SYTL5: variants seen among roughly 807,000 people sequenced by gnomAD.
The protein encoded by SYTL5 is synaptotagmin-like protein 5.
In SYTL5, 34 loss-of-function variants were observed where a neutral mutation model predicts 55.9. The observed-to-expected ratio is 0.61, with a 90% CI of 0.46 to 0.81. The LOEUF is 0.81. SYTL5 is among the 30% of genes least tolerant of loss of function. The pLI, the probability that SYTL5 is intolerant of heterozygous loss-of-function variation, is 0.00. For synonymous variants in SYTL5, 221 were observed against 188.7 expected (o/e 1.17, Z -1.40); for missense variants, 637 against 546.7 (o/e 1.17, Z -1.65).
the SYTL5 span, among the ~76,000 whole-genome samples, chrX:37,965,766 G>T: frequency 4.5e-5 from 5 of 111,830 alleles, no homozygotes; most frequent in African/African-American, 1.6e-4. Context: ...GTGAATATTT[G>T]ATTTTTATAT....
the SYTL5 span, among the ~76,000 whole-genome samples, chrX:37,999,243 C>T: frequency 8.9e-6 from 1 of 112,662 alleles, no homozygotes; most frequent in Non-Finnish European, 1.9e-5. Context: ...CCTAAAATCA[C>T]AGTGTGTGTA....
At chrX:38,043,690 T>TATACACAC (rs1366385489) in intron 2 of SYTL5, among the ~76,000 whole-genome samples, 1 of 69,556 alleles carries the variant, frequency 1.4e-5, no homozygotes, top group Non-Finnish European at 2.4e-5. Flanking sequence ...TATATATATA[T>TATACACAC]ACATATATAT....
intron 7 of SYTL5, among the ~76,000 whole-genome samples, chrX:38,090,009 C>A (rs887275655): frequency 8.9e-6 from 1 of 112,147 alleles, no homozygotes; most frequent in East Asian, 2.8e-4. Flanking sequence ...AGAGCATGTT[C>A]TTTATGCTGC....
chrX:37,995,958 G>C, the SYTL5 span, among the ~76,000 whole-genome samples: 2 of 112,052 alleles, frequency 1.8e-5, no homozygotes, highest in Non-Finnish European at 3.8e-5. Context: ...GAGTCCCTCT[G>C]TGTAGTCAGG....
the SYTL5 span, among the ~76,000 whole-genome samples, chrX:37,972,849 G>A: frequency 1.2e-4 from 13 of 109,415 alleles, no homozygotes; most frequent in African/African-American, 1.6e-4. Context: ...AATTGGTTGA[G>A]TTTGTCTAAA....
At chrX:37,976,199 A>G in the SYTL5 span, among the ~76,000 whole-genome samples, 3 of 112,870 alleles carry the variant, frequency 2.7e-5, no homozygotes, top group African/African-American at 9.7e-5. Flanking sequence ...TGCAAATGGC[A>G]TGTTCTTAGA....
the SYTL5 span, among the ~76,000 whole-genome samples, chrX:37,900,662 T>C: frequency 1.8e-5 from 2 of 112,286 alleles, no homozygotes; most frequent in African/African-American, 6.5e-5. Flanking sequence ...GGCATCATTT[T>C]TAAGGCAGAT....
intron 1 of SYTL5, among the ~76,000 whole-genome samples, chrX:38,015,519 G>A (rs762989905): frequency 7.2e-5 from 8 of 111,370 alleles, no homozygotes; most frequent in Non-Finnish European, 1.5e-4. Flanking sequence ...TTTGAATGCA[G>A]AGCTTCCTGA....
intron 2 of SYTL5, among the ~76,000 whole-genome samples, chrX:38,037,319 T>G (rs932689686): frequency 1.8e-5 from 2 of 111,594 alleles, no homozygotes; most frequent in Non-Finnish European, 3.8e-5. Flanking sequence ...CCTGCCTCCC[T>G]TACTCCCTTA....
At chrX:38,059,083 C>A (rs941405582) in intron 3 of SYTL5, among the ~76,000 whole-genome samples, 1 of 111,681 alleles carries the variant, frequency 9.0e-6, no homozygotes, top group Non-Finnish European at 1.9e-5. Flanking sequence ...TTAAACACAT[C>A]CATTTAATTC....
chrX:37,981,959 C>A, the SYTL5 span, among the ~76,000 whole-genome samples: 1 of 111,619 alleles, frequency 9.0e-6, no homozygotes, highest in African/African-American at 3.3e-5. Context: ...GACCAATACC[C>A]AGAGTTGCCA....
At chrX:37,993,659 T>C in the SYTL5 span, among the ~76,000 whole-genome samples, 1 of 112,198 alleles carries the variant, frequency 8.9e-6, no homozygotes, top group Non-Finnish European at 1.9e-5. Flanking sequence ...AGTAAATGTA[T>C]ACATGGAGGC....
chrX:38,070,043 A>G (rs1936213163), intron 3 of SYTL5, among the ~76,000 whole-genome samples: 1 of 111,842 alleles, frequency 8.9e-6, no homozygotes, highest in Admixed American at 9.5e-5. Context: ...GAGTAAATCT[A>G]TGGTAGACAA....
In SYTL5 at chrX:38,055,008, C is replaced by A. The variant is rs756311017; in HGVS notation, c.329+586C>A. ...CTAGGATTACAGGCATGAGCCACTG[C>A]ACCCGGCCACTCTTTCTGTATTTCA... On this transcript the variant is annotated intron_variant, in intron 3 of 16. Transcript: ENST00000297875. Among the ~76,000 whole-genome samples the A allele has an allele frequency of 6.3e-5, 7 of 111,486 alleles. No individual in the cohort carries two copies. The South Asian group carries it at 2.7e-3, about 43-fold the overall frequency.
At chrX:37,996,957 C>T in the SYTL5 span, among the ~76,000 whole-genome samples, 2 of 112,543 alleles carry the variant, frequency 1.8e-5, no homozygotes, top group African/African-American at 3.2e-5. Context: ...ATCATTAGAA[C>T]TACAATGCTG....
chrX:38,033,743 C>A lies in SYTL5; in HGVS notation c.-147C>A. 2 of 364,068 alleles carry A rather than the reference C, an allele frequency of 5.5e-6. No individual in the cohort carries two copies. The highest frequency in any genetic ancestry group is 6.9e-5 in the South Asian group (1 of 14,591). The allele number at this position is 364,068 out of a possible 1,213,427, so 30.0% of individuals were successfully genotyped here. Reference sequence around the variant, plus strand: ...CCTGAAAGAATACTTAACTACCATACGCAATTCTGCAGAGACCTTGTAAAA... The same window carrying A: ...CCTGAAAGAATACTTAACTACCATAAGCAATTCTGCAGAGACCTTGTAAAA... On this transcript the variant is annotated 5_prime_UTR_variant, in exon 2 of 17. Transcript: ENST00000297875.
intron 3 of SYTL5, among the ~76,000 whole-genome samples, chrX:38,063,677 T>C (rs1370434609): frequency 8.9e-6 from 1 of 112,170 alleles, no homozygotes; most frequent in African/African-American, 3.2e-5. Flanking sequence ...ATACTACCTG[T>C]ATTCTTTTGT....
chrX:38,119,731 T>C (rs754550551), intron 13 of SYTL5, among the ~76,000 whole-genome samples: 1 of 112,520 alleles, frequency 8.9e-6, no homozygotes, highest in Non-Finnish European at 1.9e-5. Flanking sequence ...GGTAGTTGCA[T>C]GTTTAGTCTT....
chrX:37,968,202 A>G, the SYTL5 span, among the ~76,000 whole-genome samples: 5 of 110,722 alleles, frequency 4.5e-5, no homozygotes, highest in African/African-American at 1.6e-4. Context: ...TTTTCCTTAC[A>G]TGGTTTTAGT....
Sources: allele counts gnomAD v4.1 joint callset (sites outside exome capture counted in the v4.1 genomes callset), GRCh38; gene constraint gnomAD v4.1.1; transcripts MANE v1.5; gene names NCBI Gene and HGNC (gene_info 2026-07-23, HGNC 2026-07-21).